VAPA: variants seen among roughly 807,000 people sequenced by gnomAD.
VAPA encodes the protein VAMP associated protein A.
VAPA carries 6 observed loss-of-function variants against 25.6 expected under a neutral mutation model. The observed-to-expected ratio is 0.23, with a 90% confidence interval of 0.13 to 0.46. VAPA has a LOEUF of 0.46. VAPA is among the 20% of genes least tolerant of loss of function. The probability of loss-of-function intolerance (pLI) is 0.99; values close to 1 mark genes in which losing one functional copy is unlikely to be tolerated. For synonymous variants in VAPA, 112 were observed against 106.2 expected (o/e 1.05, Z -0.34); for missense variants, 244 against 302.1 (o/e 0.81, Z 1.43).
chr18:9,915,674 A>G (rs1177953748), intron 1 of VAPA: 2 of 152,240 alleles, frequency 1.3e-5, no homozygotes, highest in Admixed American at 6.5e-5. Flanking sequence ...AAAGCCAACT[A>G]CATTGTTTTC....
intron 2 of VAPA, among the ~76,000 whole-genome samples, chr18:9,932,664 T>A (rs1286963552): frequency 6.6e-6 from 1 of 152,158 alleles, no homozygotes; most frequent in Admixed American, 6.5e-5. Flanking sequence ...TTCCATGTAT[T>A]TTACTTAGGG....
At chr18:9,938,952 A>C (rs755244463) in intron 4 of VAPA, among the ~76,000 whole-genome samples, 4 of 152,206 alleles carry the variant, frequency 2.6e-5, no homozygotes, top group Non-Finnish European at 5.9e-5. Context: ...CAGACTTGGT[A>C]TAATTTAATC....
intron 1 of VAPA, among the ~76,000 whole-genome samples, chr18:9,922,778 C>G (rs569638957): frequency 8.5e-5 from 13 of 152,222 alleles, no homozygotes; most frequent in Admixed American, 6.5e-4. Context: ...ATTAGTTTCT[C>G]TTGAATACAG....
chr18:9,930,376 C>T (rs955139368), intron 1 of VAPA, among the ~76,000 whole-genome samples: 2 of 151,902 alleles, frequency 1.3e-5, no homozygotes, highest in Non-Finnish European at 2.9e-5. Flanking sequence ...CATTTTTAAG[C>T]GTTTGTAGTA....
At chr18:9,946,055 C>G (rs901461675) in intron 4 of VAPA, among the ~76,000 whole-genome samples, 3 of 152,162 alleles carry the variant, frequency 2.0e-5, no homozygotes, top group Non-Finnish European at 4.4e-5. Flanking sequence ...GGCTTCTTTG[C>G]AAACTTTTTC....
chr18:9,949,332 T>C (rs1362185175), intron 4 of VAPA: 1 of 152,194 alleles, frequency 6.6e-6, no homozygotes, highest in African/African-American at 2.4e-5. Flanking sequence ...TAGAACCTCA[T>C]TATAAATTTT....
intron 1 of VAPA, among the ~76,000 whole-genome samples, chr18:9,915,512 C>G (rs1288801642): frequency 6.6e-6 from 1 of 151,812 alleles, no homozygotes; most frequent in Non-Finnish European, 1.5e-5. Flanking sequence ...TCCTTCCTAT[C>G]TTTAGTTAAG....
intron 2 of VAPA, among the ~76,000 whole-genome samples, chr18:9,932,987 A>C (rs572638920): frequency 6.6e-6 from 1 of 152,138 alleles, no homozygotes; most frequent in Admixed American, 6.5e-5. Flanking sequence ...GGGCGCCTGT[A>C]GTCCCAGCTA....
intron 1 of VAPA, among the ~76,000 whole-genome samples, chr18:9,921,623 A>G (rs929915154): frequency 2.0e-5 from 3 of 152,210 alleles, no homozygotes; most frequent in Non-Finnish European, 4.4e-5. Flanking sequence ...GTTTCTTTTT[A>G]TCTTACCTTT....
In VAPA at chr18:9,958,004, A is replaced by C. The variant is rs577804261; in HGVS notation, c.*3793A>C. The C allele has an allele frequency of 6.6e-6, 1 of 152,364 alleles. No individual in the cohort carries two copies. The highest frequency in any genetic ancestry group is 2.1e-4 in the South Asian group (1 of 4,830). The allele number at this position is 152,364 out of a possible 1,614,324, so 9.4% of individuals were successfully genotyped here. ...AAAGAAGTATAAACATATATCACTA[A>C]GGAAAAAGAAAGTTTGTCTTGCCCT... On this transcript the variant is annotated 3_prime_UTR_variant, in exon 6 of 6. Coordinates refer to ENST00000400000, the MANE Select transcript of VAPA (RefSeq NM_194434.3).
intron 4 of VAPA, among the ~76,000 whole-genome samples, chr18:9,947,379 C>G (rs1026506379): frequency 3.9e-5 from 6 of 152,162 alleles, no homozygotes; most frequent in Admixed American, 3.9e-4. Flanking sequence ...GATAAGACCT[C>G]ACTAGGTAAT....
chr18:9,944,904 T>C lies in VAPA; in HGVS notation c.418-5491T>C, dbSNP rs755711248. The C allele has an allele frequency of 1.2e-5, 19 of 1,612,574 alleles. No homozygotes were observed. The Admixed American group carries it at 2.5e-4, about 21-fold the overall frequency. On this transcript the variant is annotated intron_variant, in intron 4 of 5. Coordinates refer to ENST00000400000, the MANE Select transcript of VAPA (RefSeq NM_194434.3). ...AGAGTTCGGTGAGAATCTGAGAATATGTTTCCCATGCCATCTCAGGGTATA... is the reference window on the plus strand; with the variant it reads ...AGAGTTCGGTGAGAATCTGAGAATACGTTTCCCATGCCATCTCAGGGTATA...
Position 9,935,400 on chromosome 18 carries a change from C to G in VAPA, c.233-710C>G, listed in dbSNP as rs77971040. Among the ~76,000 whole-genome samples, 1,267 of 152,228 alleles carry G rather than the reference C, an allele frequency of 8.3e-3. 27 individuals carry two copies. In the East Asian group the frequency reaches 0.09, roughly 11 times the overall value. On this transcript the variant is annotated intron_variant, in intron 2 of 5. Transcript: ENST00000400000. ...CAGCCTGGGCAAAATGACGAAAACC[C>G]TTTCTCTACAAAAAAATACAAAAAT...
chr18:9,948,576 T>A (rs990293494), intron 4 of VAPA: 5 of 152,180 alleles, frequency 3.3e-5, no homozygotes, highest in African/African-American at 1.2e-4. Flanking sequence ...TATATCTTTT[T>A]TTCCCCCTTT....
chr18:9,949,811 G>C (rs1247493850), intron 4 of VAPA: 1 of 152,570 alleles, frequency 6.6e-6, no homozygotes, highest in East Asian at 1.9e-4. Context: ...GGGGCTCATA[G>C]TCTTCAAAGC....
chr18:9,957,300 G>A lies in VAPA; in HGVS notation c.*3089G>A, dbSNP rs1236209771. On this transcript the variant is annotated 3_prime_UTR_variant, in exon 6 of 6. Coordinates refer to ENST00000400000, the MANE Select transcript of VAPA (RefSeq NM_194434.3). ...GGCCTCCCAAAGTGCTGGGATTACA[G>A]GTGTGAGCTGCCGCACCCAGCCAAG... 1 of 152,276 alleles carries A rather than the reference G, an allele frequency of 6.6e-6. No homozygotes were observed. The highest frequency in any genetic ancestry group is 1.9e-4 in the East Asian group (1 of 5,174). 9.4% of individuals were successfully genotyped at this position (152,276 alleles called of 1,614,324 possible).
intron 4 of VAPA, among the ~76,000 whole-genome samples, chr18:9,943,840 C>CTTT (rs1281083775): frequency 1.5e-4 from 14 of 90,446 alleles, no homozygotes; most frequent in Admixed American, 3.9e-4. Context: ...GACATATTTC[C>CTTT]CTTTTTTTTT....
At chr18:9,952,139 G>T (rs2069496360) in intron 5 of VAPA, among the ~76,000 whole-genome samples, 2 of 152,198 alleles carry the variant, frequency 1.3e-5, no homozygotes, top group Admixed American at 1.3e-4. Flanking sequence ...ACATAGATGG[G>T]GCAGGGCTGG....
chr18:9,940,144 T>C (rs765238038), intron 4 of VAPA, among the ~76,000 whole-genome samples: 3 of 152,334 alleles, frequency 2.0e-5, no homozygotes, highest in South Asian at 4.1e-4. Context: ...TTCCATCCTT[T>C]CTTTCTTCCC....
Sources: gnomAD v4.1 joint callset for allele counts (sites outside exome capture counted in the v4.1 genomes callset) on GRCh38, gnomAD v4.1.1 for gene constraint, MANE v1.5 for transcripts, NCBI Gene and HGNC (gene_info 2026-07-23, HGNC 2026-07-21) for gene names.